Variants in RALGPS2 observed in about 807,000 individuals in gnomAD.
RALGPS2 encodes the protein ras-specific guanine nucleotide-releasing factor RalGPS2.
In RALGPS2, 43 loss-of-function variants were observed where a neutral mutation model predicts 86.8. The observed-to-expected ratio is 0.50, with a 90% CI of 0.39 to 0.64. The LOEUF (loss-of-function observed/expected upper bound fraction) is 0.64, where lower values mean the gene tolerates loss of function less well. Ranked by LOEUF, RALGPS2 falls within the 30% of genes least tolerant of loss-of-function variation. The probability of loss-of-function intolerance (pLI) is 0.00; values close to 1 mark genes in which losing one functional copy is unlikely to be tolerated. For synonymous variants in RALGPS2, 243 were observed against 231.3 expected (o/e 1.05, Z -0.46); for missense variants, 536 against 694.6 (o/e 0.77, Z 2.57).
At chr1:178,832,981 A>G (rs1226199304) in intron 7 of RALGPS2, among the ~76,000 whole-genome samples, 1 of 152,096 alleles carries the variant, frequency 6.6e-6, no homozygotes, top group Non-Finnish European at 1.5e-5. Context: ...AGCCATGACT[A>G]GATTTATCAA....
intron 2 of RALGPS2, among the ~76,000 whole-genome samples, chr1:178,779,145 G>A (rs1572323380): frequency 1.3e-5 from 2 of 152,202 alleles, no homozygotes; most frequent in South Asian, 2.1e-4. Context: ...CAAAAGAACC[G>A]TTAGGCTGGA....
intron 1 of RALGPS2, among the ~76,000 whole-genome samples, chr1:178,756,729 T>G (rs765729935): frequency 6.6e-6 from 1 of 152,184 alleles, no homozygotes; most frequent in Non-Finnish European, 1.5e-5. Context: ...TAGTATTGAA[T>G]CTGCAGATTG....
intron 13 of RALGPS2, among the ~76,000 whole-genome samples, chr1:178,888,512 CTG>C (rs1310686565): frequency 6.6e-6 from 1 of 152,108 alleles, no homozygotes; most frequent in African/African-American, 2.4e-5. Flanking sequence ...CATATTCACT[CTG>C]AGCTTCATGC....
intron 14 of RALGPS2, among the ~76,000 whole-genome samples, chr1:178,891,119 C>T (rs183710200): frequency 1.3e-5 from 2 of 152,154 alleles, no homozygotes; most frequent in African/African-American, 4.8e-5. Context: ...CTTATGAAGA[C>T]AGTATTTAAT....
At chr1:178,735,282 A>G (rs1417666516) in intron 1 of RALGPS2, among the ~76,000 whole-genome samples, 1 of 152,182 alleles carries the variant, frequency 6.6e-6, no homozygotes, top group African/African-American at 2.4e-5. Context: ...CCATGACTTC[A>G]TTTACATAAA....
intron 18 of RALGPS2, among the ~76,000 whole-genome samples, chr1:178,905,956 C>T (rs1223574291): frequency 6.6e-6 from 1 of 152,204 alleles, no homozygotes; most frequent in Non-Finnish European, 1.5e-5. Flanking sequence ...TATCTTGTAA[C>T]TAAAGACTAA....
At position 178,838,319 on chromosome 1, in the gene RALGPS2, G is replaced by A. The variant is rs147207343; in HGVS notation, c.607+4769G>A. ...CTCACACATCTGGGTAGCCCTCTGAGACGAAGCTTCTAGAGGAACAATCAG... is the reference window on the plus strand; with the variant it reads ...CTCACACATCTGGGTAGCCCTCTGAAACGAAGCTTCTAGAGGAACAATCAG... On this transcript the variant is annotated intron_variant, in intron 8 of 19. Transcript: ENST00000367635. Among the ~76,000 whole-genome samples, 430 of 152,312 alleles carry A rather than the reference G, an allele frequency of 2.8e-3. 2 individuals are homozygous for A. Among genetic ancestry groups the A allele is most frequent in the African/African-American group, 9.1e-3 (380 of 41,566 alleles).
chr1:178,753,978 C>T (rs576764734), intron 1 of RALGPS2, among the ~76,000 whole-genome samples: 1 of 151,870 alleles, frequency 6.6e-6, no homozygotes, highest in Non-Finnish European at 1.5e-5. Context: ...ACTACAGGCG[C>T]CCGCCACCAC....
At chr1:178,754,252 T>C (rs894344070) in intron 1 of RALGPS2, among the ~76,000 whole-genome samples, 1 of 150,938 alleles carries the variant, frequency 6.6e-6, no homozygotes, top group African/African-American at 2.4e-5. Context: ...ATAATCCTTA[T>C]ATAATTACAT....
At chr1:178,850,927 G>A in intron 8 of RALGPS2, 1 of 429,294 alleles carries the variant, frequency 2.3e-6, no homozygotes, top group Admixed American at 4.2e-5. Context: ...TAACTAGGTT[G>A]TGGATACACA....
chr1:178,763,223 G>A (rs965243371), intron 1 of RALGPS2, among the ~76,000 whole-genome samples: 1 of 152,136 alleles, frequency 6.6e-6, no homozygotes, highest in Non-Finnish European at 1.5e-5. Context: ...TTGTAGCAGT[G>A]TCATGCTGTT....
intron 10 of RALGPS2, among the ~76,000 whole-genome samples, chr1:178,882,805 T>C (rs1572447306): frequency 6.6e-6 from 1 of 152,228 alleles, no homozygotes; most frequent in Non-Finnish European, 1.5e-5. Context: ...AACTCTGACT[T>C]AGGACAGGGA....
intron 8 of RALGPS2, among the ~76,000 whole-genome samples, chr1:178,845,950 A>T (rs1037098989): frequency 9.9e-5 from 15 of 152,170 alleles, no homozygotes; most frequent in African/African-American, 3.6e-4. Context: ...ATAGTTAATG[A>T]CATTTTTAAA....
intron 13 of RALGPS2, among the ~76,000 whole-genome samples, chr1:178,886,400 T>A (rs746441692): frequency 2.0e-5 from 3 of 152,090 alleles, no homozygotes; most frequent in Non-Finnish European, 4.4e-5. Flanking sequence ...GGAGGAAGAG[T>A]GTGGAGTCAA....
intron 8 of RALGPS2, chr1:178,850,375 T>C (rs1657093994): frequency 6.6e-6 from 1 of 152,598 alleles, no homozygotes; most frequent in Admixed American, 6.5e-5. Flanking sequence ...TTGCTGATTT[T>C]AGAACTACAT....
chr1:178,812,252 AGAACGAAGTCCTG>A (rs1458882636), intron 6 of RALGPS2, among the ~76,000 whole-genome samples: 14 of 152,344 alleles, frequency 9.2e-5, no homozygotes, highest in Non-Finnish European at 2.1e-4. Flanking sequence ...ATGAGCCCAG[AGAACGAAGTCCTG>A]AGACCAAGTT....
intron 1 of RALGPS2, among the ~76,000 whole-genome samples, chr1:178,757,856 A>C (rs915270082): frequency 6.6e-6 from 1 of 152,154 alleles, no homozygotes; most frequent in Non-Finnish European, 1.5e-5. Flanking sequence ...GAGTAGGTTC[A>C]GGAAGACTGT....
chr1:178,873,930 G>A (rs971125692), intron 8 of RALGPS2, among the ~76,000 whole-genome samples: 1 of 152,058 alleles, frequency 6.6e-6, no homozygotes, highest in Non-Finnish European at 1.5e-5. Flanking sequence ...ACCCAAGCGG[G>A]AGTGCAGTGG....
chr1:178,892,652 C>T (rs907367785), intron 15 of RALGPS2, among the ~76,000 whole-genome samples: 1 of 152,008 alleles, frequency 6.6e-6, no homozygotes, highest in African/African-American at 2.4e-5. Flanking sequence ...GTAATCAAAG[C>T]ATTTTCTTTG....
Sources: gnomAD v4.1 joint callset for allele counts (sites outside exome capture counted in the v4.1 genomes callset) on GRCh38, gnomAD v4.1.1 for gene constraint, MANE v1.5 for transcripts, NCBI Gene and HGNC (gene_info 2026-07-23, HGNC 2026-07-21) for gene names.